HMMR: variants seen among roughly 807,000 people sequenced by gnomAD.
The protein encoded by HMMR is intracellular hyaluronic acid-binding protein.
HMMR carries 108 observed loss-of-function variants against 101.0 expected under a neutral mutation model. The ratio of observed to expected loss-of-function variants is 1.07; its 90% confidence interval spans 0.92 to 1.25. The LOEUF (loss-of-function observed/expected upper bound fraction) is 1.25, where lower values mean the gene tolerates loss of function less well. Among genes scored for constraint, HMMR ranks in the 50% most tolerant of loss-of-function variants. HMMR has a pLI of 0.00. For synonymous variants in HMMR, 296 were observed against 276.4 expected, an observed-to-expected ratio of 1.07 and a Z score of -0.70; for missense variants, 813 against 788.7, an observed-to-expected ratio of 1.03 and a Z score of -0.37.
chr5:163,470,258 CT>C (rs1186360872), intron 5 of HMMR, among the ~76,000 whole-genome samples: 3 of 152,166 alleles, frequency 2.0e-5, no homozygotes, highest in African/African-American at 7.2e-5. Context: ...TTCTCAGGGA[CT>C]TGCTTTAGAG....
chr5:163,476,815 G>A (rs1759083287), intron 11 of HMMR, among the ~76,000 whole-genome samples: 1 of 152,142 alleles, frequency 6.6e-6, no homozygotes, highest in Non-Finnish European at 1.5e-5. Flanking sequence ...AGATCACAAG[G>A]TCAGGAGTTC....
chr5:163,468,957 A>G (rs1337152839), intron 4 of HMMR, among the ~76,000 whole-genome samples: 1 of 152,124 alleles, frequency 6.6e-6, no homozygotes, highest in African/African-American at 2.4e-5. Flanking sequence ...CATTCTCCTC[A>G]GAAGCCCAGC....
intron 12 of HMMR, 132 bp from the exon 13 acceptor site, chr5:163,482,510 T>G: frequency 1.6e-6 from 1 of 630,752 alleles, no homozygotes; most frequent in South Asian, 2.1e-5. Context: ...AATTCTTACC[T>G]GTGTTAAATG....
At chr5:163,482,522 A>C (rs1759305734) in intron 12 of HMMR, 120 bp from the exon 13 acceptor site, 1 of 684,012 alleles carries the variant, frequency 1.5e-6, no homozygotes, top group Admixed American at 2.8e-5. Context: ...TGTTAAATGC[A>C]TGAATACATT....
At chr5:163,470,116 T>A (rs1046907249) in intron 5 of HMMR, among the ~76,000 whole-genome samples, 2 of 151,866 alleles carry the variant, frequency 1.3e-5, no homozygotes, top group African/African-American at 4.8e-5. Flanking sequence ...TGCAGTGAGC[T>A]GACATGGCGC....
chr5:163,475,420 A>G (rs756334200), intron 10 of HMMR, 38 bp from the exon 11 acceptor site: 1 of 1,262,976 alleles, frequency 7.9e-7, no homozygotes, highest in Admixed American at 2.1e-5. Flanking sequence ...TCACAATGCC[A>G]TTCCAAATTA....
intron 12 of HMMR, among the ~76,000 whole-genome samples, chr5:163,481,888 C>T (rs1759279231): frequency 6.6e-6 from 1 of 152,146 alleles, no homozygotes; most frequent in Non-Finnish European, 1.5e-5. Context: ...GAGTGAGCTA[C>T]ACATTTAATT....
At chr5:163,490,784 A>C (rs1759667428) in intron 17 of HMMR, among the ~76,000 whole-genome samples, 1 of 152,150 alleles carries the variant, frequency 6.6e-6, no homozygotes, top group Non-Finnish European at 1.5e-5. Context: ...TCTTCCTTGA[A>C]GCTTTGCATG....
Position 163,490,439 on chromosome 5 carries a change from C to A in HMMR, c.2012C>A (p.Thr671Lys). ...CQLAKKKQSE[T>K]KLQEELNKVL... is the part of the protein sequence containing the mutation. ...CTTGCTAAAAAAAAACAAAGTGAGACAAAACTTCAAGAGGAATTGAATAAA... is the reference window on the plus strand; with the variant it reads ...CTTGCTAAAAAAAAACAAAGTGAGAAAAAACTTCAAGAGGAATTGAATAAA... Residue 671 changes from threonine (T) to lysine (K), a missense_variant, in exon 17 of 18, where the codon ACA becomes AAA. Transcript: ENST00000393915. 6.3e-7 allele frequency: 1 copy of A among 1,596,766 alleles called. No individual in the cohort carries two copies. The highest frequency in any genetic ancestry group is 1.8e-5 in the Admixed American group (1 of 55,796).
chr5:163,464,728 A>G lies in HMMR; in HGVS notation c.151A>G (p.Lys51Glu), dbSNP rs781137485. Reference sequence around the variant, plus strand: ...TACAATTCATTTTTCCGCAGAATCTAAACAAAATCTTAATGTTGACAAAGA... The same window carrying G: ...TACAATTCATTTTTCCGCAGAATCTGAACAAAATCTTAATGTTGACAAAGA... ...SQRFKQQKES[K>E]QNLNVDKDTT... The change falls in exon 3 of 18, where the codon AAA becomes GAA. Residue 51 changes from lysine (K) to glutamate (E), a missense_variant. By Grantham distance (56) the Lys-to-Glu change is moderately conservative (BLOSUM62 1). Transcript: ENST00000393915. 2.5e-6 allele frequency: 4 copies of G among 1,607,322 alleles called. No individual in the cohort carries two copies. The African/African-American group carries it at 5.3e-5, about 21-fold the overall frequency.
Position 163,460,733 on chromosome 5 carries a change from C to G in HMMR, c.41C>G (p.Pro14Arg), listed in dbSNP as rs1168059268. 4.4e-6 allele frequency: 7 copies of G among 1,607,624 alleles called. No individual in the cohort carries two copies. The highest frequency in any genetic ancestry group is 5.9e-6 in the Non-Finnish European group (7 of 1,177,000). Residue 14 changes from proline (P) to arginine (R), a missense_variant, in exon 1 of 18, where the codon CCT becomes CGT. Physicochemically the swap from Pro to Arg is moderately radical, Grantham distance 103. Coordinates refer to ENST00000393915, the MANE Select transcript of HMMR (RefSeq NM_001142556.2). Reference sequence around the variant, plus strand: ...GCGCCCTTGAAACGATTCAATGACCCTTCTGGTGCGTAAGGGGGAAAGAGC... The same window carrying G: ...GCGCCCTTGAAACGATTCAATGACCGTTCTGGTGCGTAAGGGGGAAAGAGC... ...PKAPLKRFND[P>R]SGCAPSPGAY...
At chr5:163,471,687 G>A (rs1758896153) in intron 7 of HMMR, among the ~76,000 whole-genome samples, 1 of 152,080 alleles carries the variant, frequency 6.6e-6, no homozygotes, top group African/African-American at 2.4e-5. Flanking sequence ...TACATCTTCT[G>A]TATTATTAAT....
Position 163,464,764 on chromosome 5 carries a change from C to T in HMMR, c.187C>T (p.Pro63Ser), listed in dbSNP as rs780742140. Residue 63 changes from proline to serine, a missense_variant, in exon 3 of 18, where the codon CCT becomes TCT. Pro to Ser is a moderately conservative substitution (Grantham distance 74). Transcript: ENST00000393915. ...TAATGTTGACAAAGATACTACCTTG[C>T]CTGCTTCAGCTAGAAAAGTTAAGTC... ...NLNVDKDTTLPASARKVKSSE... is the reference protein window; with the variant it reads ...NLNVDKDTTLSASARKVKSSE... 189 of 1,612,864 alleles carry T rather than the reference C, an allele frequency of 1.2e-4. No individual in the cohort carries two copies. The highest frequency in any genetic ancestry group is 1.3e-4 in the Non-Finnish European group (153 of 1,179,180).
At chr5:163,461,208 A>G (rs1254311667) in intron 1 of HMMR, among the ~76,000 whole-genome samples, 1 of 152,126 alleles carries the variant, frequency 6.6e-6, no homozygotes, top group African/African-American at 2.4e-5. Context: ...AGCAGCACTT[A>G]TTGAAAACAT....
chr5:163,483,629 T>G (rs1187319631), intron 15 of HMMR, among the ~76,000 whole-genome samples: 2 of 152,182 alleles, frequency 1.3e-5, no homozygotes, highest in Non-Finnish European at 2.9e-5. Flanking sequence ...AACTTTGTAA[T>G]GTGGAACTTA....
chr5:163,475,272 C>G (rs1014494704), intron 10 of HMMR, among the ~76,000 whole-genome samples, 186 bp from the exon 11 acceptor site: 23 of 151,892 alleles, frequency 1.5e-4, no homozygotes, highest in Admixed American at 1.3e-3. Flanking sequence ...TGATATTTGC[C>G]ACAATGTTAA....
chr5:163,469,019 G>A (rs1758784060), intron 4 of HMMR, among the ~76,000 whole-genome samples: 1 of 152,020 alleles, frequency 6.6e-6, no homozygotes, highest in South Asian at 2.1e-4. Context: ...ATTTGAATTT[G>A]TGTAATTGAA....
intron 11 of HMMR, among the ~76,000 whole-genome samples, chr5:163,475,989 G>A (rs1391188917): frequency 6.6e-6 from 1 of 152,014 alleles, no homozygotes; most frequent in Non-Finnish European, 1.5e-5. Flanking sequence ...GCTAATTTCT[G>A]AAATTTATTG....
At chr5:163,487,910 A>G (rs1333690597) in intron 16 of HMMR, among the ~76,000 whole-genome samples, 3 of 151,928 alleles carry the variant, frequency 2.0e-5, no homozygotes, top group Non-Finnish European at 4.4e-5. Context: ...GCTAGAGTGC[A>G]GTGATGCAAT....
Sources: gnomAD v4.1 joint callset for allele counts (sites outside exome capture counted in the v4.1 genomes callset) on GRCh38, gnomAD v4.1.1 for gene constraint, MANE v1.5 for transcripts, NCBI Gene and HGNC (gene_info 2026-07-23, HGNC 2026-07-21) for gene names.